Variants in SORD observed in about 807,000 individuals in gnomAD.
SORD encodes sorbitol dehydrogenase, also known as (R,R)-butanediol dehydrogenase.
SORD carries 18 observed loss-of-function variants against 35.6 expected under a neutral mutation model. The ratio of observed to expected loss-of-function variants is 0.51; its 90% CI spans 0.35 to 0.75. The LOEUF is 0.75. Among genes scored for constraint, SORD ranks in the 30% least tolerant of loss-of-function variants. SORD has a pLI of 0.01. For missense variants in SORD, 250 were observed against 390.2 expected (o/e 0.64, Z 3.03); for synonymous variants, 106 against 152.9 (o/e 0.69, Z 2.26).
chr15:45,057,637 G>A (rs1415844625), intron 3 of SORD, among the ~76,000 whole-genome samples: 1 of 152,146 alleles, frequency 6.6e-6, no homozygotes, highest in Non-Finnish European at 1.5e-5. Flanking sequence ...ACAAAAATTA[G>A]CCGGGTGTGG....
In SORD at chr15:45,068,924, T is replaced by A. The variant is rs537396303; in HGVS notation, c.658T>A (p.Leu220Ile). 3.2e-6 allele frequency: 5 copies of A among 1,583,390 alleles called. No homozygotes were observed. In the African/African-American group the frequency reaches 6.8e-5, roughly 22 times the overall value. The part of the protein sequence containing the change: ...LSKAKEIGAD[L>I]VLQISKESPQ... ...CAAAGCCAAGGAGATTGGGGCTGAT[T>A]TAGTCCTCCAGATCTCCAAGGAGAG... The change falls in exon 7 of 9, where the codon TTA (leucine) becomes ATA (isoleucine). Residue 220 changes from leucine to isoleucine, a missense_variant. Transcript: ENST00000267814.
intron 6 of SORD, among the ~76,000 whole-genome samples, chr15:45,068,666 G>C (rs1366444434): frequency 1.3e-5 from 2 of 150,834 alleles, no homozygotes; most frequent in African/African-American, 2.5e-5. Flanking sequence ...ATTTGTGTTG[G>C]GCCATATTCA....
intron 3 of SORD, among the ~76,000 whole-genome samples, chr15:45,055,572 C>G (rs1893201137): frequency 6.6e-6 from 1 of 152,210 alleles, no homozygotes; most frequent in African/African-American, 2.4e-5. Flanking sequence ...CAAGGAGGAA[C>G]TGGTACCATT....
chr15:45,065,138 T>C, intron 4 of SORD, 133 bp from the exon 5 acceptor site: 1 of 753,686 alleles, frequency 1.3e-6, no homozygotes, highest in East Asian at 2.6e-5. Flanking sequence ...GCTTAGCACA[T>C]TGCTCTGCAC....
At chr15:45,029,179 T>G (rs545117701) in intron 1 of SORD, among the ~76,000 whole-genome samples, 50 of 152,350 alleles carry the variant, frequency 3.3e-4, no homozygotes, top group African/African-American at 1.2e-3. Context: ...TAATTATGTT[T>G]TAACAACAAA....
At chr15:45,032,597 G>T (rs1892804158) in intron 1 of SORD, among the ~76,000 whole-genome samples, 1 of 152,194 alleles carries the variant, frequency 6.6e-6, no homozygotes, top group Admixed American at 6.5e-5. Flanking sequence ...TGGCCACCAG[G>T]TGAGGGGTTT....
intron 1 of SORD, chr15:45,036,259 C>A: frequency 2.7e-5 from 12 of 446,326 alleles, no homozygotes; most frequent in South Asian, 1.9e-4. Context: ...CCACCAATTC[C>A]GGACACAAAG....
intron 3 of SORD, among the ~76,000 whole-genome samples, chr15:45,053,865 A>G (rs1595503366): frequency 7.3e-6 from 1 of 137,292 alleles, no homozygotes; most frequent in African/African-American, 2.8e-5. Flanking sequence ...TCATTGTTCA[A>G]TTCCCATCTA....
chr15:45,068,530 T>A lies in SORD; in HGVS notation c.610+284T>A, dbSNP rs370156833. ...TGTAGAGCAGGGGTGTCCAATCTTT[T>A]GGCTTCCTTGGGCCACATTGGAAGA... is the stretch of plus-strand genomic sequence containing the variant. On this transcript the variant is annotated intron_variant, in intron 6 of 8. Coordinates refer to ENST00000267814, the MANE Select transcript of SORD (RefSeq NM_003104.6). Among the ~76,000 whole-genome samples the A allele has an allele frequency of 2.6e-5, 4 of 151,728 alleles. No individual in the cohort carries two copies. In the East Asian group the frequency reaches 7.7e-4, roughly 29 times the overall value.
chr15:45,032,912 CTT>C (rs1892808133), intron 1 of SORD, among the ~76,000 whole-genome samples: 1 of 151,638 alleles, frequency 6.6e-6, no homozygotes, highest in Non-Finnish European at 1.5e-5. Context: ...AACAGGGTCT[CTT>C]GCGCCCTGCA....
intron 1 of SORD, among the ~76,000 whole-genome samples, chr15:45,036,704 C>T (rs1473128510): frequency 6.6e-6 from 1 of 151,974 alleles, no homozygotes; most frequent in East Asian, 1.9e-4. Flanking sequence ...ACATCAGGGA[C>T]TGCTGATGAG....
intron 1 of SORD, among the ~76,000 whole-genome samples, chr15:45,035,709 C>T (rs1423757078): frequency 5.3e-5 from 8 of 152,236 alleles, no homozygotes; most frequent in Admixed American, 5.2e-4. Flanking sequence ...TGGGTACACA[C>T]TGCCTTTATG....
At chr15:45,069,190 TTTTC>T in intron 7 of SORD, 138 bp downstream of exon 7, 1 of 387,892 alleles carries the variant, frequency 2.6e-6, no homozygotes, top group Non-Finnish European at 4.0e-6. Flanking sequence ...TATGTTTTCT[TTTTC>T]TTTTTTTTTT....
intron 3 of SORD, among the ~76,000 whole-genome samples, chr15:45,054,608 T>C (rs1893183038): frequency 6.6e-6 from 1 of 152,020 alleles, no homozygotes; most frequent in African/African-American, 2.4e-5. Flanking sequence ...CTGTTCACTC[T>C]GATGGTAGTT....
chr15:45,036,093 G>A, intron 1 of SORD: 2 of 244,296 alleles, frequency 8.2e-6, no homozygotes, highest in Admixed American at 6.2e-5. Flanking sequence ...CAGCTTCACT[G>A]CTGAGCCAGC....
At position 45,061,192 on chromosome 15, in the gene SORD, C is replaced by G. The variant is rs771745351; in HGVS notation, c.391C>G (p.Arg131Gly). ...GCCCCCCGATGACGGGAACCTCTGC[C>G]GGTTCTATAAGCACAATGCAGCCTT... The part of the protein sequence containing the change: ...ATPPDDGNLC[R>G]FYKHNAAFCY... The change falls in exon 4 of 9, where the codon CGG becomes GGG. Residue 131 changes from arginine to glycine, a missense_variant. This residue lies in a region of SORD where 126 missense variants were observed against 148.7 expected (regional missense o/e 0.85). Transcript: ENST00000267814. 39 of 1,614,068 alleles carry G rather than the reference C, an allele frequency of 2.4e-5. No individual in the cohort carries two copies. Among genetic ancestry groups the G allele is most frequent in the Non-Finnish European group, 3.2e-5 (38 of 1,180,034 alleles).
At chr15:45,023,433 C>A (rs1417547036) in intron 1 of SORD, 84 bp downstream of exon 1, 2 of 1,212,858 alleles carry the variant, frequency 1.6e-6, no homozygotes, top group Middle Eastern at 5.8e-4. Flanking sequence ...TTCCCACTTC[C>A]AGCCTGGCGC....
chr15:45,027,733 A>G (rs915768680), intron 1 of SORD, among the ~76,000 whole-genome samples: 7 of 152,256 alleles, frequency 4.6e-5, no homozygotes, highest in Non-Finnish European at 7.3e-5. Flanking sequence ...TAATTAGGAA[A>G]TGAATTATGG....
chr15:45,057,253 T>C (rs1893231973), intron 3 of SORD, among the ~76,000 whole-genome samples: 1 of 152,316 alleles, frequency 6.6e-6, no homozygotes, highest in South Asian at 2.1e-4. Context: ...CAAAAACCCA[T>C]GTATTTAACC....
Sources: gnomAD v4.1 joint callset for allele counts (sites outside exome capture counted in the v4.1 genomes callset) on GRCh38, gnomAD v4.1.1 for gene constraint, gnomAD v4.1.1 regional missense constraint, MANE v1.5 for transcripts, NCBI Gene and HGNC (gene_info 2026-07-23, HGNC 2026-07-21) for gene names.